NSD2: variants seen among roughly 807,000 people sequenced by gnomAD.
The protein encoded by NSD2 is nuclear receptor binding SET domain protein 2, also known as histone-lysine N-methyltransferase NSD2.
Under a neutral mutation model 139.0 loss-of-function variants are expected in NSD2, and 12 were observed. The observed-to-expected ratio is 0.09, with a 90% confidence interval of 0.06 to 0.14. The LOEUF (loss-of-function observed/expected upper bound fraction) is 0.14. Ranked by LOEUF, NSD2 falls within the 10% of genes least tolerant of loss-of-function variation. The pLI, the probability that NSD2 is intolerant of heterozygous loss-of-function variation, is 1.00. For synonymous variants in NSD2, 669 were observed against 648.7 expected (o/e 1.03, Z -0.48); for missense variants, 1,155 against 1,745.0 (o/e 0.66, Z 6.02).
chr4:1,978,901 G>C lies in NSD2; in HGVS notation c.4090G>C (p.Gly1364Arg), dbSNP rs548852837. The part of the protein sequence containing the change: ...RRRGWRRVTE[G>R]K ...GAGGGGCTGGCGGAGAGTCACAGAG[G>C]GCAAATAGCGCCAGGCGGCCGCTTG... is the stretch of plus-strand genomic sequence containing the variant. Residue 1364 changes from glycine to arginine, a missense_variant, in exon 22 of 22, where the codon GGC becomes CGC. Physicochemically the swap from Gly to Arg is moderately radical, Grantham distance 125 (BLOSUM62 -2). Around this residue, in one of 8 missense-constraint regions of NSD2, gnomAD observed 132 missense variants for 94.3 expected, o/e 1.40. Coordinates refer to ENST00000508803, the MANE Select transcript of NSD2 (RefSeq NM_001042424.3). The C allele has an allele frequency of 1.3e-6, 2 of 1,537,772 alleles. No individual in the cohort carries two copies. Among genetic ancestry groups the C allele is most frequent in the Admixed American group, 4.0e-5 (2 of 49,678 alleles).
At chr4:1,907,194 TTAA>T (rs1718038445) in intron 3 of NSD2, among the ~76,000 whole-genome samples, 1 of 152,050 alleles carries the variant, frequency 6.6e-6, no homozygotes, top group Non-Finnish European at 1.5e-5. Context: ...TGGAAAGGTC[TTAA>T]TGCAGTGACC....
intron 11 of NSD2, 56 bp from the exon 12 acceptor site, chr4:1,953,268 A>G: frequency 1.2e-6 from 2 of 1,614,050 alleles, no homozygotes; most frequent in Non-Finnish European, 1.7e-6. Context: ...CAGAACTGCA[A>G]TTTAATTCTT....
rs777823476 is a variant in NSD2, at chr4:1,976,479, C to T, written c.3626C>T (p.Ser1209Leu). ...SGFLGDRPKT[S>L]TTLSSEEKGK... ...GTGCTTAATTCTTGACTCTAGACCTCGACGACCCTTTCATCAGAGGAAAAG... is the reference window on the plus strand; with the variant it reads ...GTGCTTAATTCTTGACTCTAGACCTTGACGACCCTTTCATCAGAGGAAAAG... The change falls in exon 21 of 22, where the codon TCG becomes TTG. Residue 1209 changes from serine (S) to leucine (L), a missense_variant. This residue lies in a region of NSD2 where 39 missense variants were observed against 43.5 expected (regional missense o/e 0.90). Coordinates refer to ENST00000508803, the MANE Select transcript of NSD2 (RefSeq NM_001042424.3). The surrounding 1 kb of genome is among the most constrained non-coding windows in gnomAD (Gnocchi z 5.3). 3.7e-6 allele frequency: 6 copies of T among 1,613,038 alleles called. No individual in the cohort carries two copies. Among genetic ancestry groups the T allele is most frequent in the South Asian group, 3.3e-5 (3 of 90,792 alleles).
At chr4:1,934,475 A>G (rs1245829542) in intron 6 of NSD2, among the ~76,000 whole-genome samples, 1 of 151,752 alleles carries the variant, frequency 6.6e-6, no homozygotes, top group Non-Finnish European at 1.5e-5. Context: ...CCTGAGCTAC[A>G]AGAGCGAAAC....
chr4:1,917,525 C>T (rs1220648685), intron 4 of NSD2, among the ~76,000 whole-genome samples: 3 of 152,198 alleles, frequency 2.0e-5, no homozygotes, highest in South Asian at 2.1e-4. Flanking sequence ...ATCCTCTGCC[C>T]CTCCGGGTTC....
At chr4:1,941,019 A>G in intron 9 of NSD2, 2 of 1,057,948 alleles carry the variant, frequency 1.9e-6, no homozygotes, top group African/African-American at 3.3e-5. Context: ...CGTGTAGATA[A>G]TTAAGCATTT....
chr4:1,916,888 C>T lies in NSD2; in HGVS notation c.778C>T (p.Arg260Cys), dbSNP rs2108800108. ...AAAACTAGGTCAGAAAAAGAGTGCA[C>T]GCCAGTATCACGTACAGTTCTTTGG... ...TKLKGQKKSA[R>C]QYHVQFFGDA... Residue 260 changes from arginine (R) to cysteine (C), a missense_variant, in exon 4 of 22, where the codon CGC (arginine) becomes TGC (cysteine). By Grantham distance (180) the Arg-to-Cys change is radical (BLOSUM62 -3). Around this residue, in one of 8 missense-constraint regions of NSD2, gnomAD observed 34 missense variants for 75.2 expected, o/e 0.45. Coordinates refer to ENST00000508803, the MANE Select transcript of NSD2 (RefSeq NM_001042424.3). 6.2e-7 allele frequency: 1 copy of T among 1,610,472 alleles called. No homozygotes were observed. Among genetic ancestry groups the T allele is most frequent in the Non-Finnish European group, 8.5e-7 (1 of 1,178,828 alleles).
rs923091793 is a variant in NSD2, at chr4:1,981,416, G to C, written c.*2507G>C. 1 of 233,766 alleles carries C rather than the reference G, an allele frequency of 4.3e-6. No homozygotes were observed. The highest frequency in any genetic ancestry group is 8.4e-6 in the Non-Finnish European group (1 of 118,432). 14.5% of individuals were successfully genotyped at this position (233,766 alleles called of 1,614,324 possible). On this transcript the variant is annotated 3_prime_UTR_variant, in exon 22 of 22. Transcript: ENST00000508803. ...TGTTCTGAGGACGTGGTGACTTCCT[G>C]AACATCAGCTTCAATCCTCCATCAT...
chr4:1,942,041 C>T lies in NSD2; in HGVS notation c.1881+2263C>T. On this transcript the variant is annotated intron_variant, in intron 9 of 21. Transcript: ENST00000508803. This position sits in a 1 kb window ranked among gnomAD's most constrained non-coding sequence, Gnocchi z 4.0. ...CCCCCTTTGCATGTTTGTATTTCCTCCCTTTCATCACATTTGTTTGAAATA... is the reference window on the plus strand; with the variant it reads ...CCCCCTTTGCATGTTTGTATTTCCTTCCTTTCATCACATTTGTTTGAAATA... 1.7e-6 allele frequency: 2 copies of T among 1,158,616 alleles called. No homozygotes were observed. Among genetic ancestry groups the T allele is most frequent in the Non-Finnish European group, 2.1e-6 (2 of 935,144 alleles). The allele number at this position is 1,158,616 out of a possible 1,614,324, so 71.8% of individuals were successfully genotyped here.
intron 10 of NSD2, 96 bp downstream of exon 10, chr4:1,951,299 G>C (rs1261008426): frequency 3.5e-5 from 54 of 1,528,220 alleles, no homozygotes; most frequent in Non-Finnish European, 4.6e-5. Context: ...CTTCCCACCA[G>C]ACCCCTTCCC....
At chr4:1,953,067 C>T (rs1289103644) in intron 11 of NSD2, 5 of 1,462,558 alleles carry the variant, frequency 3.4e-6, no homozygotes, top group African/African-American at 1.4e-5. Flanking sequence ...CTGGGCCTCC[C>T]CAGCCAGGCT....
chr4:1,962,746 C>T (rs1228902071), intron 18 of NSD2, among the ~76,000 whole-genome samples: 2 of 152,204 alleles, frequency 1.3e-5, no homozygotes, highest in Non-Finnish European at 2.9e-5. Context: ...TCATAGTTCA[C>T]TGCAGCCTCG....
At position 1,918,602 on chromosome 4, in the gene NSD2, C is replaced by T. The variant is rs1439628492; in HGVS notation, c.1389C>T (p.Phe463=). 9 of 1,613,734 alleles carry T rather than the reference C, an allele frequency of 5.6e-6. No individual in the cohort carries two copies. The highest frequency in any genetic ancestry group is 7.6e-6 in the Non-Finnish European group (9 of 1,179,984). ...KGDAASQFLV[F]CQKHRDEVVA... ...ATGCAGCATCCCAGTTTTTGGTCTTCTGTCAAAAACACAGGGATGAGGTCA... is the reference window on the plus strand; with the variant it reads ...ATGCAGCATCCCAGTTTTTGGTCTTTTGTCAAAAACACAGGGATGAGGTCA... Residue 463 remains phenylalanine (F), a synonymous_variant, in exon 5 of 22, where the codon TTC becomes TTT. Coordinates refer to ENST00000508803, the MANE Select transcript of NSD2 (RefSeq NM_001042424.3).
intron 1 of NSD2, among the ~76,000 whole-genome samples, chr4:1,889,795 C>CA (rs1257230406): frequency 6.6e-6 from 1 of 152,108 alleles, no homozygotes; most frequent in Non-Finnish European, 1.5e-5. Flanking sequence ...GCGTGAGCCA[C>CA]TGTGCCCAGC....
In NSD2 at chr4:1,975,420, C is replaced by A; in HGVS notation, c.3621+20C>A. ...CCAAAGGTAAGGCTGTGGCGCCCTC[C>A]TTCCCCCCAGGCTCTGTGTTGGCAT... On this transcript the variant is annotated intron_variant, in intron 20 of 21. Coordinates refer to ENST00000508803, the MANE Select transcript of NSD2 (RefSeq NM_001042424.3). The A allele has an allele frequency of 6.2e-7, 1 of 1,609,046 alleles. No individual in the cohort carries two copies. The highest frequency in any genetic ancestry group is 1.1e-5 in the South Asian group (1 of 90,948).
chr4:1,894,003 T>C (rs1344635972), intron 1 of NSD2: 2 of 152,270 alleles, frequency 1.3e-5, no homozygotes, highest in African/African-American at 4.8e-5. Flanking sequence ...TGCTTATAGG[T>C]TGCTGTAGCC....
intron 3 of NSD2, among the ~76,000 whole-genome samples, chr4:1,914,237 G>T (rs1232472311): frequency 6.6e-6 from 1 of 152,114 alleles, no homozygotes; most frequent in Non-Finnish European, 1.5e-5. Context: ...CGGCCAGGCT[G>T]GTCTCGAACT....
At chr4:1,964,239 G>A (rs774856596) in intron 18 of NSD2, among the ~76,000 whole-genome samples, 14 of 152,132 alleles carry the variant, frequency 9.2e-5, no homozygotes, top group Non-Finnish European at 1.8e-4. Flanking sequence ...AGACAAATAC[G>A]AACAAACAGC....
intron 6 of NSD2, among the ~76,000 whole-genome samples, chr4:1,932,701 G>A (rs1317379605): frequency 2.0e-5 from 3 of 152,168 alleles, no homozygotes; most frequent in African/African-American, 4.8e-5. Context: ...AGCCGAGATC[G>A]TGCCATTGGA....
Sources: allele counts gnomAD v4.1 joint callset (sites outside exome capture counted in the v4.1 genomes callset), GRCh38; gene constraint gnomAD v4.1.1; regional missense constraint gnomAD v4.1.1; non-coding constraint Gnocchi (gnomAD v3.1); transcripts MANE v1.5; gene names NCBI Gene and HGNC (gene_info 2026-07-23, HGNC 2026-07-21).